The following OLFM2 variants were observed in gnomAD, a reference collection of about 807,000 sequenced individuals.
The protein encoded by OLFM2 is noelin-2.
Under a neutral mutation model 43.9 loss-of-function variants are expected in OLFM2, and 20 were observed. The ratio of observed to expected loss-of-function variants is 0.46; its 90% CI spans 0.32 to 0.66. The LOEUF (loss-of-function observed/expected upper bound fraction) is 0.66. OLFM2 is among the 30% of genes least tolerant of loss of function. OLFM2 has a pLI of 0.04. For synonymous variants in OLFM2, 268 were observed against 278.6 expected (o/e 0.96, Z 0.38); for missense variants, 416 against 643.6 (o/e 0.65, Z 3.83).
chr19:9,887,159 A>G (rs1399683486), intron 1 of OLFM2, among the ~76,000 whole-genome samples: 1 of 152,080 alleles, frequency 6.6e-6, no homozygotes, highest in African/African-American at 2.4e-5. Context: ...TTGCAAACAG[A>G]ATCCACCCAA....
chr19:9,885,290 G>A lies in OLFM2; in HGVS notation c.64-24496C>T, dbSNP rs975441819. 4.6e-5 allele frequency among the ~76,000 whole-genome samples: 7 copies of A among 152,278 alleles called. No homozygotes were observed. The South Asian group carries it at 1.0e-3, about 23-fold the overall frequency. ...TGAGTCTCCGGCAGTTAATGAATCC[G>A]GAAAAAATCTCAGCTGTGTCAGAGG... is the stretch of plus-strand genomic sequence containing the variant. On this transcript the variant is annotated intron_variant, in intron 1 of 5. Transcript: ENST00000264833.
intron 1 of OLFM2, among the ~76,000 whole-genome samples, chr19:9,886,050 T>C (rs935234855): frequency 1.3e-5 from 2 of 151,094 alleles, no homozygotes; most frequent in African/African-American, 2.4e-5. Context: ...TGAGCCATGA[T>C]TGCACCCCTG....
At chr19:9,860,170 T>C (rs1487933229) in intron 2 of OLFM2, among the ~76,000 whole-genome samples, 1 of 148,166 alleles carries the variant, frequency 6.7e-6, no homozygotes, top group Non-Finnish European at 1.5e-5. Flanking sequence ...AAAAAATACA[T>C]TGAACAGATA....
chr19:9,888,383 G>T (rs962763627), intron 1 of OLFM2, among the ~76,000 whole-genome samples: 1 of 151,832 alleles, frequency 6.6e-6, no homozygotes, highest in South Asian at 2.1e-4. Flanking sequence ...AATTAGCCGG[G>T]TGTGGTGGTG....
intron 1 of OLFM2, among the ~76,000 whole-genome samples, chr19:9,890,052 T>C (rs1241890881): frequency 6.6e-6 from 1 of 152,034 alleles, no homozygotes; most frequent in African/African-American, 2.4e-5. Flanking sequence ...CCAGTGGCGC[T>C]GGGAGCTCAC....
At chr19:9,889,250 ATTTTGTT>A (rs1345613739) in intron 1 of OLFM2, among the ~76,000 whole-genome samples, 6 of 150,656 alleles carry the variant, frequency 4.0e-5, no homozygotes, top group African/African-American at 9.8e-5. Flanking sequence ...TGTTTTTTGT[ATTTTGTT>A]TTTTGTTTTT....
rs1201087887 is a variant in OLFM2 at position 9,933,852 on chromosome 19, C to T, written c.63+2452G>A. Among the ~76,000 whole-genome samples the T allele has an allele frequency of 3.9e-5, 6 of 152,282 alleles. No homozygotes were observed. In the South Asian group the frequency reaches 6.2e-4, roughly 16 times the overall value. On this transcript the variant is annotated intron_variant, in intron 1 of 5. Transcript: ENST00000264833. ...GATTACAGGCGTGAGCCACAGCACC[C>T]GGCTCCAGTCTAATCTTCTATACTT...
At chr19:9,927,236 C>T (rs185279349) in intron 1 of OLFM2, among the ~76,000 whole-genome samples, 17 of 151,862 alleles carry the variant, frequency 1.1e-4, no homozygotes, top group African/African-American at 4.1e-4. Flanking sequence ...GAGCTGAGAT[C>T]GCACCACTGC....
intron 1 of OLFM2, among the ~76,000 whole-genome samples, chr19:9,868,149 A>C (rs1157548091): frequency 6.6e-6 from 1 of 151,260 alleles, no homozygotes; most frequent in Non-Finnish European, 1.5e-5. Flanking sequence ...TGCAATCTCC[A>C]CCTCGAGGGT....
At chr19:9,915,473 A>T (rs1259424119) in intron 1 of OLFM2, among the ~76,000 whole-genome samples, 1 of 151,470 alleles carries the variant, frequency 6.6e-6, no homozygotes, top group Non-Finnish European at 1.5e-5. Flanking sequence ...AACTTTAAAC[A>T]GAGTGATTGG....
At chr19:9,872,028 G>A (rs2046446431) in intron 1 of OLFM2, among the ~76,000 whole-genome samples, 1 of 152,202 alleles carries the variant, frequency 6.6e-6, no homozygotes, top group Non-Finnish European at 1.5e-5. Flanking sequence ...GGCAGAGGCT[G>A]TGGCTTCTCT....
intron 1 of OLFM2, among the ~76,000 whole-genome samples, chr19:9,904,152 TTGTGTGTGTGTG>T (rs56281493): frequency 0.021 from 2,724 of 127,250 alleles, 55 homozygotes; most frequent in African/African-American, 0.064. Flanking sequence ...TGAGTATTGT[TTGTGTGTGTGTG>T]TGTGTGTGTG....
rs1010904861 is a variant in OLFM2 at position 9,914,037 on chromosome 19, C to A, written c.63+22267G>T. Among the ~76,000 whole-genome samples the A allele has an allele frequency of 1.5e-4, 22 of 150,748 alleles. 1 individual carries two copies. The South Asian group carries it at 1.9e-3, about 13-fold the overall frequency. ...CCCCTGGTGGCATTCCCCAAGCGCC[C>A]CACCACCACCGCGGTGGCATTCCCC... On this transcript the variant is annotated intron_variant, in intron 1 of 5. Transcript: ENST00000264833.
chr19:9,905,521 G>T (rs2046778489), intron 1 of OLFM2, among the ~76,000 whole-genome samples: 2 of 151,494 alleles, frequency 1.3e-5, no homozygotes, highest in Admixed American at 1.3e-4. Context: ...GGTGCCTGTA[G>T]TTCCAGTTAC....
rs558998510 is a variant in OLFM2, at chr19:9,936,409, C to G, written c.-43G>C. 9.6e-3 allele frequency: 11,719 copies of G among 1,223,172 alleles called. 75 individuals carry two copies. Among genetic ancestry groups the G allele is most frequent in the Non-Finnish European group, 0.011 (10,496 of 981,618 alleles). 75.8% of individuals were successfully genotyped at this position (1,223,172 alleles called of 1,614,324 possible). ...GCGTCCCGACCCCCGCCCGCCCTAG[C>G]GGCGCCTCGGCGCGGGGACCGCCAC... is the stretch of plus-strand genomic sequence containing the variant. On this transcript the variant is annotated 5_prime_UTR_variant, in exon 1 of 6. Transcript: ENST00000264833.
chr19:9,883,045 A>T (rs888826763), intron 1 of OLFM2, among the ~76,000 whole-genome samples: 3 of 151,838 alleles, frequency 2.0e-5, no homozygotes, highest in Admixed American at 2.0e-4. Flanking sequence ...CTAAAAAAAA[A>T]AAAATACAAA....
chr19:9,891,608 C>T (rs2046640993), intron 1 of OLFM2, among the ~76,000 whole-genome samples: 1 of 150,558 alleles, frequency 6.6e-6, no homozygotes, highest in Non-Finnish European at 1.5e-5. Flanking sequence ...CAGAGCAAGA[C>T]TCCATCTCAA....
chr19:9,881,541 A>C (rs2046540032), intron 1 of OLFM2, among the ~76,000 whole-genome samples: 1 of 152,148 alleles, frequency 6.6e-6, no homozygotes, highest in Non-Finnish European at 1.5e-5. Context: ...TCGAGGTGTC[A>C]GCAGGGTTGG....
At chr19:9,867,562 G>C (rs942970557) in intron 1 of OLFM2, among the ~76,000 whole-genome samples, 1 of 152,108 alleles carries the variant, frequency 6.6e-6, no homozygotes, top group African/African-American at 2.4e-5. Context: ...ATTTAATCAG[G>C]AAGCCAAGGC....
Sources: allele counts gnomAD v4.1 joint callset (sites outside exome capture counted in the v4.1 genomes callset), GRCh38; gene constraint gnomAD v4.1.1; transcripts MANE v1.5; gene names NCBI Gene and HGNC (gene_info 2026-07-23, HGNC 2026-07-21).